Variants in KRTAP13-4 observed in about 807,000 individuals in gnomAD.
KRTAP13-4 encodes the protein keratin-associated protein 13-4.
For missense variants in KRTAP13-4, 198 were observed against 189.6 expected (o/e 1.04, Z -0.26); for synonymous variants, 80 against 77.2 (o/e 1.04, Z -0.19).
At chr21:30,430,586 C>A in the KRTAP13-4 span, 1 of 1,614,172 alleles carries the variant, frequency 6.2e-7, no homozygotes, top group Non-Finnish European at 8.5e-7. Flanking sequence ...TGCTGCTACT[C>A]GCTGGGAAAT....
exon 1 of KRTAP13-4, chr21:30,430,878 C>A: frequency 8.6e-7 from 1 of 1,167,734 alleles, no homozygotes; most frequent in South Asian, 1.6e-5. Context: ...GCATGACCAA[C>A]TTCTGGCAGA....
chr21:30,430,228 T>G, upstream of KRTAP13-4: 1 of 1,505,740 alleles, frequency 6.6e-7, no homozygotes, highest in Non-Finnish European at 9.0e-7. Flanking sequence ...ACATTAAAAC[T>G]CAGAATCTTC....
chr21:30,430,998 T>G (rs1402889550), exon 1 of KRTAP13-4: 2 of 401,710 alleles, frequency 5.0e-6, no homozygotes. Flanking sequence ...AATTTTAATC[T>G]AATAAATGTA....
exon 1 of KRTAP13-4, chr21:30,430,477 C>A (rs149698885): frequency 1.9e-4 from 310 of 1,613,900 alleles, no homozygotes; most frequent in Middle Eastern, 4.9e-4. Context: ...CTGCTACCGC[C>A]CCAGGACCTC....
chr21:30,430,304 TCTC>T (rs770227389), exon 1 of KRTAP13-4: 1 of 1,612,134 alleles, frequency 6.2e-7, no homozygotes, highest in East Asian at 2.2e-5. Context: ...TCTAGAAACT[TCTC>T]CTCCCGCTCC....
exon 1 of KRTAP13-4, chr21:30,430,395 C>T (rs1406568566): frequency 2.5e-6 from 4 of 1,614,224 alleles, no homozygotes; most frequent in South Asian, 1.1e-5. Flanking sequence ...CTCCCAGCAC[C>T]TGCCAGCTGC....
At chr21:30,430,302 C>A (rs1049674293) in exon 1 of KRTAP13-4, 3 of 1,611,902 alleles carry the variant, frequency 1.9e-6, no homozygotes, top group South Asian at 1.1e-5. Context: ...GCTCTAGAAA[C>A]TTCTCCTCCC....
chr21:30,430,716 C>T, exon 1 of KRTAP13-4: 1 of 1,613,808 alleles, frequency 6.2e-7, no homozygotes, highest in South Asian at 1.1e-5. Context: ...CTTCTTGTTA[C>T]AGACCAATCT....
chr21:30,430,517 G>T, exon 1 of KRTAP13-4: 1 of 1,614,168 alleles, frequency 6.2e-7, no homozygotes, highest in Non-Finnish European at 8.5e-7. Context: ...CAGACGACTT[G>T]CTCTGGATCT....
At chr21:30,430,256 A>C in exon 1 of KRTAP13-4, 1 of 1,575,618 alleles carries the variant, frequency 6.3e-7, no homozygotes, top group East Asian at 2.2e-5. Context: ...CACTCAGCTG[A>C]ACTCCCATCT....
In KRTAP13-4 at chr21:30,430,893, G is replaced by A. The variant is rs539202290; in HGVS notation, c.*135G>A. The A allele has an allele frequency of 4.1e-5, 36 of 888,150 alleles. No homozygotes were observed. In the South Asian group the frequency reaches 5.1e-4, roughly 13 times the overall value. 55.0% of individuals were successfully genotyped at this position (888,150 alleles called of 1,614,324 possible). ...GCATGACCAACTTCTGGCAGACTGC[G>A]AAATTAATGAGTAACCTAATATTAA... is the stretch of plus-strand genomic sequence containing the variant. On this transcript the variant is annotated 3_prime_UTR_variant, in exon 1 of 1. Coordinates refer to ENST00000334068, the Ensembl canonical transcript of KRTAP13-4.
chr21:30,430,284 C>A, the KRTAP13-4 span: 11 of 1,607,254 alleles, frequency 6.8e-6, no homozygotes, highest in East Asian at 2.5e-4. Flanking sequence ...GCATGTCCTA[C>A]AACTGCTGCT....
At chr21:30,430,511 C>A in exon 1 of KRTAP13-4, 1 of 1,614,220 alleles carries the variant, frequency 6.2e-7, no homozygotes, top group South Asian at 1.1e-5. Flanking sequence ...CCCTGTCAGA[C>A]GACTTGCTCT....
rs763521247 is a variant in KRTAP13-4, at chr21:30,430,404, G to T, written c.129G>T (p.Leu43=). 6.2e-6 allele frequency: 10 copies of T among 1,614,184 alleles called. No homozygotes were observed. In the Admixed American group the frequency reaches 1.2e-4, roughly 19 times the overall value. Reference sequence around the variant, plus strand: ...TCTGCTCTCCCAGCACCTGCCAGCTGCGTTCCTCTCTCTACAGGGACTGTC... The same window carrying T: ...TCTGCTCTCCCAGCACCTGCCAGCTTCGTTCCTCTCTCTACAGGGACTGTC... The change falls in exon 1 of 1, where the codon CTG becomes CTT. Residue 43 remains leucine, a synonymous_variant. Transcript: ENST00000334068.
upstream of KRTAP13-4, chr21:30,430,221 T>C (rs1188854278): frequency 2.7e-6 from 4 of 1,471,734 alleles, no homozygotes; most frequent in East Asian, 2.3e-5. Context: ...GGATGCGACA[T>C]TAAAACTCAG....
chr21:30,430,666 T>G (rs201732550), exon 1 of KRTAP13-4: 1 of 1,614,226 alleles, frequency 6.2e-7, no homozygotes, highest in Admixed American at 1.7e-5. Flanking sequence ...CGGATCCAGA[T>G]TCTGCTACCC....
At chr21:30,430,605 T>C in exon 1 of KRTAP13-4, 1 of 1,614,200 alleles carries the variant, frequency 6.2e-7, no homozygotes, top group Non-Finnish European at 8.5e-7. Context: ...ATGGATCCAG[T>C]GGCTTCAGAT....
chr21:30,430,222 T>C (rs1484352507), upstream of KRTAP13-4: 30 of 1,477,118 alleles, frequency 2.0e-5, no homozygotes, highest in Non-Finnish European at 2.7e-5. Flanking sequence ...GATGCGACAT[T>C]AAAACTCAGA....
exon 1 of KRTAP13-4, chr21:30,430,610 T>C: frequency 1.2e-6 from 2 of 1,614,210 alleles, no homozygotes; most frequent in Non-Finnish European, 1.7e-6. Flanking sequence ...TCCAGTGGCT[T>C]CAGATTCCTG....
Sources: gnomAD v4.1 joint callset for allele counts on GRCh38, gnomAD v4.1.1 for gene constraint, MANE v1.5 for transcripts, NCBI Gene and HGNC (gene_info 2026-07-23, HGNC 2026-07-21) for gene names.